The following TMEM182 variants were observed in gnomAD, a reference collection of about 807,000 sequenced individuals.
The protein encoded by TMEM182 is transmembrane protein 182.
A neutral mutation model predicts 26.8 loss-of-function variants in TMEM182; 20 were observed. That is an observed-to-expected ratio of 0.75 (90% CI 0.53 to 1.09). TMEM182 has a LOEUF of 1.09. TMEM182 is among the 50% of genes least tolerant of loss of function. The probability of loss-of-function intolerance (pLI) is 0.00; values close to 1 mark genes in which losing one functional copy is unlikely to be tolerated. For synonymous variants in TMEM182, 109 were observed against 102.2 expected (o/e 1.07, Z -0.40); for missense variants, 277 against 275.5 (o/e 1.01, Z -0.04).
chr2:102,835,634 G>A (rs528482354), intron 3 of TMEM182, among the ~76,000 whole-genome samples: 1 of 151,602 alleles, frequency 6.6e-6, no homozygotes, highest in East Asian at 1.9e-4. Flanking sequence ...TGAAAACCAC[G>A]GATCTTTTCA....
intron 3 of TMEM182, among the ~76,000 whole-genome samples, chr2:102,830,083 A>G (rs1443927590): frequency 6.6e-6 from 1 of 152,202 alleles, no homozygotes; most frequent in African/African-American, 2.4e-5. Context: ...AGTTCTGTCT[A>G]AGAGTTTATG....
At chr2:102,795,112 A>G (rs780424026) in intron 3 of TMEM182, among the ~76,000 whole-genome samples, 19 of 152,044 alleles carry the variant, frequency 1.2e-4, no homozygotes, top group Non-Finnish European at 2.1e-4. Flanking sequence ...AATTTCAGAT[A>G]TTGTGTTTTC....
chr2:102,775,456 G>A (rs1192586160), intron 3 of TMEM182: 2 of 152,144 alleles, frequency 1.3e-5, no homozygotes, highest in Admixed American at 6.5e-5. Flanking sequence ...AAAACTGGAA[G>A]CATTCCCTTT....
At chr2:102,783,127 T>G (rs1309238021) in intron 3 of TMEM182, among the ~76,000 whole-genome samples, 1 of 152,196 alleles carries the variant, frequency 6.6e-6, no homozygotes, top group East Asian at 1.9e-4. Flanking sequence ...CTTGCTATGT[T>G]GAGTAGCTAG....
chr2:102,797,796 C>T, intron 3 of TMEM182, 67 bp from the exon 4 acceptor site: 1 of 1,535,098 alleles, frequency 6.5e-7, no homozygotes, highest in Non-Finnish European at 8.7e-7. Context: ...CTGACTGTGA[C>T]AATCTGCTGT....
intron 3 of TMEM182, among the ~76,000 whole-genome samples, chr2:102,826,069 T>C (rs1683025138): frequency 1.3e-5 from 2 of 152,194 alleles, no homozygotes; most frequent in African/African-American, 4.8e-5. Context: ...AATTCTCCAC[T>C]GGCCACTCAC....
intron 4 of TMEM182, 55 bp downstream of exon 4, chr2:102,798,055 C>T: frequency 1.9e-6 from 3 of 1,555,422 alleles, no homozygotes; most frequent in Non-Finnish European, 2.6e-6. Flanking sequence ...TCATGTCTTT[C>T]TATTTTTCAT....
In TMEM182 at chr2:102,762,370, A is replaced by G. The variant is rs770526797; in HGVS notation, c.132+21A>G. 1.9e-6 allele frequency: 3 copies of G among 1,613,706 alleles called. No individual in the cohort carries two copies. In the East Asian group the frequency reaches 6.7e-5, roughly 36 times the overall value. ...AGAATGTGAGTCTCTTCTTCAAAAT[A>G]GTGATGCACATGGTAGTTATGAAGA... On this transcript the variant is annotated intron_variant, in intron 1 of 4. Transcript: ENST00000412401.
chr2:102,820,975 A>G (rs1317508670), downstream of TMEM182, among the ~76,000 whole-genome samples: 1 of 152,184 alleles, frequency 6.6e-6, no homozygotes, highest in Non-Finnish European at 1.5e-5. Flanking sequence ...TCATGGTGTC[A>G]TGTTTGAGAT....
chr2:102,771,303 C>A (rs530487340), intron 3 of TMEM182, among the ~76,000 whole-genome samples: 1 of 152,168 alleles, frequency 6.6e-6, no homozygotes, highest in Non-Finnish European at 1.5e-5. Context: ...CACAGTATCA[C>A]GTTACAGGAG....
intron 4 of TMEM182, among the ~76,000 whole-genome samples, chr2:102,804,572 T>C (rs1478857008): frequency 1.3e-5 from 2 of 152,134 alleles, no homozygotes; most frequent in South Asian, 2.1e-4. Context: ...GGCATTTGGG[T>C]TGGATCCACT....
At chr2:102,823,369 G>C (rs1417014669) in intron 3 of TMEM182, among the ~76,000 whole-genome samples, 1 of 152,042 alleles carries the variant, frequency 6.6e-6, no homozygotes, top group East Asian at 1.9e-4. Context: ...GTCTCAAACT[G>C]TCGCCTGGGC....
rs180737123 is a variant in TMEM182, at chr2:102,823,686, C to A, written c.326-19726C>A. Among the ~76,000 whole-genome samples, 1,060 of 152,280 alleles carry A rather than the reference C, an allele frequency of 7.0e-3. 2 individuals are homozygous for A. Among genetic ancestry groups the A allele is most frequent in the Non-Finnish European group, 0.011 (731 of 68,026 alleles). ...CACTGAAAGAAAATAGCACATAATGCATCCTCAAGGAGATATGCTTACATT... is the reference window on the plus strand; with the variant it reads ...CACTGAAAGAAAATAGCACATAATGAATCCTCAAGGAGATATGCTTACATT... On this transcript the variant is annotated intron_variant, in intron 3 of 3. Transcript: ENST00000486293.
intron 3 of TMEM182, among the ~76,000 whole-genome samples, chr2:102,777,030 G>A (rs28764841): frequency 0.011 from 1,661 of 151,500 alleles, 33 homozygotes; most frequent in African/African-American, 0.038. Flanking sequence ...ATTTCTTTGC[G>A]TATTTTCAGT....
chr2:102,834,190 C>T (rs1398405435), intron 3 of TMEM182, among the ~76,000 whole-genome samples: 3 of 152,158 alleles, frequency 2.0e-5, no homozygotes, highest in African/African-American at 7.2e-5. Flanking sequence ...ATATCTCTGG[C>T]AATGACATGG....
chr2:102,834,361 C>T, intron 3 of TMEM182: 1 of 962,552 alleles, frequency 1.0e-6, no homozygotes, highest in South Asian at 4.8e-5. Flanking sequence ...TAACATTTCC[C>T]TTTTTTTTTC....
chr2:102,813,383 G>C (rs765417294), intron 4 of TMEM182, among the ~76,000 whole-genome samples: 2 of 152,202 alleles, frequency 1.3e-5, no homozygotes, highest in Non-Finnish European at 2.9e-5. Flanking sequence ...TCTGCTCCTA[G>C]TCTCAGACTT....
chr2:102,813,938 TTC>T (rs1263493725), intron 4 of TMEM182, among the ~76,000 whole-genome samples: 7 of 151,882 alleles, frequency 4.6e-5, no homozygotes, highest in East Asian at 1.9e-4. Context: ...CCTTCCTTCA[TTC>T]TCTCTCTTTC....
chr2:102,784,159 G>C (rs1027242011), intron 3 of TMEM182, among the ~76,000 whole-genome samples: 1 of 152,030 alleles, frequency 6.6e-6, no homozygotes, highest in Non-Finnish European at 1.5e-5. Context: ...GAAACTTTTT[G>C]TACCTCTCCC....
Sources: allele counts gnomAD v4.1 joint callset (sites outside exome capture counted in the v4.1 genomes callset), GRCh38; gene constraint gnomAD v4.1.1; transcripts MANE v1.5; gene names NCBI Gene and HGNC (gene_info 2026-07-23, HGNC 2026-07-21).